Variants in EPHB2 observed in about 807,000 individuals in gnomAD.
EPHB2 encodes the protein ephrin type-B receptor 2.
EPHB2 carries 18 observed loss-of-function variants against 96.4 expected under a neutral mutation model. The ratio of observed to expected loss-of-function variants is 0.19; its 90% CI spans 0.13 to 0.28. The LOEUF is 0.28. EPHB2 is among the 10% of genes least tolerant of loss of function. The pLI, the probability that EPHB2 is intolerant of heterozygous loss-of-function variation, is 1.00. For missense variants in EPHB2, 989 were observed against 1,355.4 expected (o/e 0.73, Z 4.25); for synonymous variants, 506 against 534.1 (o/e 0.95, Z 0.72).
chr1:22,807,004 C>A (rs1040138741), intron 3 of EPHB2, among the ~76,000 whole-genome samples: 3 of 152,124 alleles, frequency 2.0e-5, no homozygotes, highest in African/African-American at 7.2e-5. Flanking sequence ...AGGATGGGAA[C>A]GCTTCCCAGC....
intron 1 of EPHB2, among the ~76,000 whole-genome samples, chr1:22,719,185 C>T (rs1169135750): frequency 1.3e-5 from 2 of 152,100 alleles, no homozygotes; most frequent in Admixed American, 1.3e-4. Flanking sequence ...GCAGCTTGTA[C>T]TTCCAAATAC....
rs1251911429 is a variant in EPHB2 at position 22,790,187 on chromosome 1, C to T, written c.811+5111C>T. Among the ~76,000 whole-genome samples the T allele has an allele frequency of 2.6e-5, 4 of 152,020 alleles. No individual in the cohort carries two copies. The highest frequency in any genetic ancestry group is 7.3e-5 in the African/African-American group (3 of 41,358). ...GGAATTGTAGGCAGAGAGAACTATA[C>T]GAATAAAGGCCCCAAGGTGTGACAG... On this transcript the variant is annotated intron_variant, in intron 3 of 15. Coordinates refer to ENST00000374630, the MANE Select transcript of EPHB2 (RefSeq NM_017449.5). The surrounding 1 kb of genome is among the most constrained non-coding windows in gnomAD (Gnocchi z 4.0).
At position 22,723,114 on chromosome 1, in the gene EPHB2, G is replaced by A. The variant is rs145926733; in HGVS notation, c.61+12071G>A. On this transcript the variant is annotated intron_variant, in intron 1 of 15. Coordinates refer to ENST00000374630, the MANE Select transcript of EPHB2 (RefSeq NM_017449.5). ...CATTATGGCGACGACATATGTCCACGGCACCAACTTGTCACTTGGCCTGAG... is the reference window on the plus strand; with the variant it reads ...CATTATGGCGACGACATATGTCCACAGCACCAACTTGTCACTTGGCCTGAG... Among the ~76,000 whole-genome samples the A allele has an allele frequency of 5.4e-4, 82 of 152,322 alleles. 1 individual carries two copies. In the South Asian group the frequency reaches 8.5e-3, roughly 16 times the overall value.
At chr1:22,801,532 G>A (rs1046663076) in intron 3 of EPHB2, among the ~76,000 whole-genome samples, 5 of 151,668 alleles carry the variant, frequency 3.3e-5, no homozygotes, top group African/African-American at 4.8e-5. Context: ...AGTGGACTCC[G>A]GAACCTTCCC....
At chr1:22,887,540 T>C (rs1393223088) in intron 6 of EPHB2, among the ~76,000 whole-genome samples, 1 of 152,212 alleles carries the variant, frequency 6.6e-6, no homozygotes, top group Non-Finnish European at 1.5e-5. Flanking sequence ...CCACTGGGAT[T>C]TCCCAGCCTG....
chr1:22,781,726 T>C (rs1644536240), intron 2 of EPHB2, among the ~76,000 whole-genome samples: 1 of 151,910 alleles, frequency 6.6e-6, no homozygotes, highest in African/African-American at 2.4e-5. Context: ...CGTGGAATCC[T>C]TAGGGCAAGG....
At position 22,870,261 on chromosome 1, in the gene EPHB2, G is replaced by A. The variant is rs773740421; in HGVS notation, c.1303+5049G>A. On this transcript the variant is annotated intron_variant, in intron 5 of 15. Coordinates refer to ENST00000374630, the MANE Select transcript of EPHB2 (RefSeq NM_017449.5). ...AGCCATCATGCCGCCTTTGAACCAC[G>A]CTCTGCCTTTCCAGAGCACCTTTCT... 4.6e-5 allele frequency among the ~76,000 whole-genome samples: 7 copies of A among 152,288 alleles called. No individual in the cohort carries two copies. The East Asian group carries it at 9.7e-4, about 21-fold the overall frequency.
chr1:22,870,693 C>T (rs538559522), intron 5 of EPHB2, among the ~76,000 whole-genome samples: 1 of 152,202 alleles, frequency 6.6e-6, no homozygotes, highest in Non-Finnish European at 1.5e-5. Context: ...GCCCCGGACA[C>T]AGCCTAAGCC....
chr1:22,734,660 A>G (rs1643787316), intron 1 of EPHB2, among the ~76,000 whole-genome samples: 1 of 152,122 alleles, frequency 6.6e-6, no homozygotes, highest in Non-Finnish European at 1.5e-5. Context: ...GACCTCAGGC[A>G]TCTGCCTGCC....
At chr1:22,822,944 C>T (rs967184335) in intron 3 of EPHB2, among the ~76,000 whole-genome samples, 1 of 152,234 alleles carries the variant, frequency 6.6e-6, no homozygotes, top group Non-Finnish European at 1.5e-5. Flanking sequence ...AGGCCTGAGG[C>T]CTCCAGGAGA....
chr1:22,750,629 G>C (rs576127154), intron 1 of EPHB2, among the ~76,000 whole-genome samples: 1 of 152,292 alleles, frequency 6.6e-6, no homozygotes, highest in African/African-American at 2.4e-5. Context: ...CTTTTCAATT[G>C]GGAAAAGCAG....
intron 1 of EPHB2, among the ~76,000 whole-genome samples, chr1:22,753,659 T>G (rs1644099555): frequency 6.6e-6 from 1 of 151,936 alleles, no homozygotes; most frequent in South Asian, 2.1e-4. Context: ...AGGCTGCCTG[T>G]GGGGGAGAGG....
intron 1 of EPHB2, among the ~76,000 whole-genome samples, chr1:22,727,868 C>G (rs533560793): frequency 2.0e-5 from 3 of 149,934 alleles, no homozygotes; most frequent in Non-Finnish European, 3.0e-5. Context: ...GTCTTGAACT[C>G]CTGGGCTCAA....
chr1:22,775,792 C>T (rs1570254917), intron 1 of EPHB2, among the ~76,000 whole-genome samples: 2 of 152,246 alleles, frequency 1.3e-5, no homozygotes, highest in African/African-American at 4.8e-5. Flanking sequence ...CCTGTTTTCA[C>T]ACTGAGGAAG....
chr1:22,877,147 G>A lies in EPHB2; in HGVS notation c.1304-5212G>A, dbSNP rs185433797. ...GGTTTCCAGAACTCCCTGGTCAGCC[G>A]GCATCAGCCACAGCCAGTGGAGGGG... On this transcript the variant is annotated intron_variant, in intron 5 of 15. Coordinates refer to ENST00000374630, the MANE Select transcript of EPHB2 (RefSeq NM_017449.5). 6.1e-3 allele frequency among the ~76,000 whole-genome samples: 931 copies of A among 152,324 alleles called. 3 individuals are homozygous for A. Among genetic ancestry groups the A allele is most frequent in the African/African-American group, 0.02 (846 of 41,570 alleles).
chr1:22,873,429 C>T (rs1638736566), intron 5 of EPHB2, among the ~76,000 whole-genome samples: 1 of 152,154 alleles, frequency 6.6e-6, no homozygotes, highest in South Asian at 2.1e-4. Context: ...CAGACACTCG[C>T]AAGGGCTTTT....
Position 22,914,044 on chromosome 1 carries a change from C to A in EPHB2, c.*474C>A. 1.2e-6 allele frequency: 1 copy of A among 833,712 alleles called. No homozygotes were observed. The allele number at this position is 833,712 out of a possible 1,614,324, so 51.6% of individuals were successfully genotyped here. Reference sequence around the variant, plus strand: ...TCCTGTCCCTGCTGCTCCTCTAGGCCTCACTCAACAACCAAGCGCCTGGAG... The same window carrying A: ...TCCTGTCCCTGCTGCTCCTCTAGGCATCACTCAACAACCAAGCGCCTGGAG... On this transcript the variant is annotated 3_prime_UTR_variant, in exon 16 of 16. Coordinates refer to ENST00000374630, the MANE Select transcript of EPHB2 (RefSeq NM_017449.5).
chr1:22,756,552 C>T (rs1365279763), intron 1 of EPHB2, among the ~76,000 whole-genome samples: 4 of 151,898 alleles, frequency 2.6e-5, no homozygotes, highest in South Asian at 2.1e-4. Flanking sequence ...CAGGCCTGGC[C>T]GCCTGCAGAT....
chr1:22,845,509 C>T lies in EPHB2; in HGVS notation c.812-17528C>T, dbSNP rs115337475. Among the ~76,000 whole-genome samples the T allele has an allele frequency of 6.6e-3, 1,012 of 152,228 alleles. 6 individuals carry two copies. Among genetic ancestry groups the T allele is most frequent in the African/African-American group, 0.022 (922 of 41,508 alleles). ...GGCTGCCCTTCACCACAAGTTGCCT[C>T]CCGACTCCTCATCTCCAGTTTTCTC... is the stretch of plus-strand genomic sequence containing the variant. On this transcript the variant is annotated intron_variant, in intron 3 of 15. Transcript: ENST00000374630.
Sources: allele counts gnomAD v4.1 joint callset (sites outside exome capture counted in the v4.1 genomes callset), GRCh38; gene constraint gnomAD v4.1.1; non-coding constraint Gnocchi (gnomAD v3.1); transcripts MANE v1.5; gene names NCBI Gene and HGNC (gene_info 2026-07-23, HGNC 2026-07-21).